SORCS1: variants seen among roughly 807,000 people sequenced by gnomAD.
The protein encoded by SORCS1 is sortilin related VPS10 domain containing receptor 1, also known as VPS10 domain-containing receptor SorCS1.
SORCS1 carries 60 observed loss-of-function variants against 146.1 expected under a neutral mutation model. The ratio of observed to expected loss-of-function variants is 0.41; its 90% CI spans 0.33 to 0.51. SORCS1 has a LOEUF of 0.51. SORCS1 is among the 20% of genes least tolerant of loss of function. The probability of loss-of-function intolerance (pLI) is 0.21; values close to 1 mark genes in which losing one functional copy is unlikely to be tolerated. For missense variants in SORCS1, 1,352 were observed against 1,487.6 expected, an observed-to-expected ratio of 0.91 and a Z score of 1.50; for synonymous variants, 637 against 584.0, an observed-to-expected ratio of 1.09 and a Z score of -1.31.
intron 1 of SORCS1, among the ~76,000 whole-genome samples, chr10:107,109,956 C>T (rs183110845): frequency 6.6e-6 from 1 of 152,300 alleles, no homozygotes; most frequent in Admixed American, 6.5e-5. Context: ...CAAACTTCCA[C>T]AGATCTTTAG....
intron 2 of SORCS1, among the ~76,000 whole-genome samples, chr10:106,932,460 A>C (rs753074571): frequency 5.3e-5 from 8 of 152,174 alleles, no homozygotes; most frequent in Admixed American, 3.3e-4. Context: ...GTGACAAAGA[A>C]AAGGTATACC....
At chr10:106,927,648 T>A (rs1194268393) in intron 2 of SORCS1, among the ~76,000 whole-genome samples, 1 of 152,148 alleles carries the variant, frequency 6.6e-6, no homozygotes, top group East Asian at 1.9e-4. Flanking sequence ...ATTGGTGCGT[T>A]TACAATCCCT....
intron 2 of SORCS1, among the ~76,000 whole-genome samples, chr10:106,854,058 C>T (rs1949692767): frequency 6.6e-6 from 1 of 151,758 alleles, no homozygotes; most frequent in African/African-American, 2.4e-5. Context: ...GTTAAGGTCT[C>T]CAATTATAAT....
At chr10:106,843,689 C>A (rs764406601) in intron 2 of SORCS1, among the ~76,000 whole-genome samples, 2 of 152,080 alleles carry the variant, frequency 1.3e-5, no homozygotes, top group Admixed American at 1.3e-4. Flanking sequence ...CCCACCTTGG[C>A]CCCCCAAAGT....
chr10:106,741,357 G>T (rs990093890), intron 5 of SORCS1, among the ~76,000 whole-genome samples: 1 of 152,204 alleles, frequency 6.6e-6, no homozygotes, highest in African/African-American at 2.4e-5. Flanking sequence ...CTAGCAGTTT[G>T]AGAGGCTAAG....
intron 2 of SORCS1, among the ~76,000 whole-genome samples, chr10:106,874,356 A>C (rs2137615732): frequency 6.6e-6 from 1 of 152,334 alleles, no homozygotes; most frequent in African/African-American, 2.4e-5. Flanking sequence ...AAAACAAATT[A>C]TTATGACATT....
intron 3 of SORCS1, among the ~76,000 whole-genome samples, chr10:106,819,126 A>G (rs1163942589): frequency 6.6e-6 from 1 of 152,234 alleles, no homozygotes; most frequent in African/African-American, 2.4e-5. Context: ...TAAGAAGAGT[A>G]ACAATGAGAC....
At chr10:107,078,702 G>A (rs965993356) in intron 1 of SORCS1, among the ~76,000 whole-genome samples, 2 of 152,076 alleles carry the variant, frequency 1.3e-5, no homozygotes, top group Admixed American at 6.6e-5. Flanking sequence ...GACCATCAGT[G>A]AACTTGACTT....
intron 22 of SORCS1, 40 bp from the exon 23 acceptor site, chr10:106,607,337 G>A: frequency 2.5e-6 from 4 of 1,609,900 alleles, no homozygotes; most frequent in Non-Finnish European, 3.4e-6. Flanking sequence ...GTGCTGCAGA[G>A]AAGAAAGCTG....
chr10:106,725,217 CA>C (rs1410076205), intron 6 of SORCS1, among the ~76,000 whole-genome samples: 1 of 152,096 alleles, frequency 6.6e-6, no homozygotes, highest in Non-Finnish European at 1.5e-5. Flanking sequence ...ACAGGATGTA[CA>C]ACCTAGAATA....
chr10:107,041,642 G>C (rs897040157), intron 1 of SORCS1, among the ~76,000 whole-genome samples: 1 of 151,660 alleles, frequency 6.6e-6, no homozygotes, highest in African/African-American at 2.4e-5. Context: ...AAACATTTTT[G>C]TTCCTATATT....
At chr10:106,791,970 A>G (rs1946341298) in intron 3 of SORCS1, among the ~76,000 whole-genome samples, 1 of 151,952 alleles carries the variant, frequency 6.6e-6, no homozygotes, top group Non-Finnish European at 1.5e-5. Context: ...TGAAATCCTC[A>G]TTTGATACAC....
chr10:107,042,601 G>C (rs1263906435), intron 1 of SORCS1, among the ~76,000 whole-genome samples: 1 of 140,300 alleles, frequency 7.1e-6, no homozygotes, highest in East Asian at 1.9e-4. Flanking sequence ...TACCAGCGGG[G>C]AAGTGAACTA....
the SORCS1 span, among the ~76,000 whole-genome samples, chr10:107,180,852 C>T: frequency 2.6e-5 from 4 of 151,998 alleles, no homozygotes; most frequent in East Asian, 3.9e-4. Flanking sequence ...TAGATGGTAT[C>T]GCCTACTACA....
intron 2 of SORCS1, among the ~76,000 whole-genome samples, chr10:106,934,108 A>G (rs1426604311): frequency 6.6e-6 from 1 of 151,612 alleles, no homozygotes; most frequent in Non-Finnish European, 1.5e-5. Flanking sequence ...AACAAAAAAA[A>G]AAAAAAAAAA....
intron 2 of SORCS1, among the ~76,000 whole-genome samples, chr10:106,944,614 A>G (rs561344502): frequency 6.6e-6 from 1 of 152,302 alleles, no homozygotes; most frequent in African/African-American, 2.4e-5. Context: ...CTGGATTTAT[A>G]CCAGTTAGCA....
chr10:106,895,851 T>C (rs369292159), intron 2 of SORCS1, among the ~76,000 whole-genome samples: 1 of 152,216 alleles, frequency 6.6e-6, no homozygotes, highest in South Asian at 2.1e-4. Flanking sequence ...TAGCCAACAA[T>C]AGCCAACAAT....
intron 2 of SORCS1, among the ~76,000 whole-genome samples, chr10:106,903,035 G>A (rs868157211): frequency 2.6e-5 from 4 of 152,156 alleles, no homozygotes; most frequent in African/African-American, 7.2e-5. Context: ...TGGAGATCAC[G>A]CCACTGCACT....
chr10:106,924,547 T>G (rs889673157), intron 2 of SORCS1, among the ~76,000 whole-genome samples: 2 of 151,876 alleles, frequency 1.3e-5, no homozygotes, highest in African/African-American at 4.8e-5. Flanking sequence ...CTCCAAAACA[T>G]ATGGAGGCAA....
Sources: allele counts gnomAD v4.1 joint callset (sites outside exome capture counted in the v4.1 genomes callset), GRCh38; gene constraint gnomAD v4.1.1; transcripts MANE v1.5; gene names NCBI Gene and HGNC (gene_info 2026-07-23, HGNC 2026-07-21).